Variants in SGMS1 observed in about 807,000 individuals in gnomAD.
The protein encoded by SGMS1 is phosphatidylcholine:ceramide cholinephosphotransferase 1.
Under a neutral mutation model 46.2 loss-of-function variants are expected in SGMS1, and 13 were observed. The ratio of observed to expected loss-of-function variants is 0.28; its 90% confidence interval spans 0.18 to 0.45. The LOEUF is 0.45. SGMS1 is among the 20% of genes least tolerant of loss of function. The probability of loss-of-function intolerance (pLI) is 1.00; values close to 1 mark genes in which losing one functional copy is unlikely to be tolerated. For missense variants in SGMS1, 324 were observed against 519.9 expected, an observed-to-expected ratio of 0.62 and a Z score of 3.66; for synonymous variants, 203 against 187.8, an observed-to-expected ratio of 1.08 and a Z score of -0.66.
At chr10:50,395,353 T>C (rs1589422215) in intron 6 of SGMS1, among the ~76,000 whole-genome samples, 1 of 152,184 alleles carries the variant, frequency 6.6e-6, no homozygotes, top group Non-Finnish European at 1.5e-5. Context: ...TAAACAATTC[T>C]ACTTGACTCT....
chr10:50,376,092 C>G (rs886257812), intron 6 of SGMS1, among the ~76,000 whole-genome samples: 1 of 151,980 alleles, frequency 6.6e-6, no homozygotes, highest in African/African-American at 2.4e-5. Flanking sequence ...GGGCAAAATC[C>G]AAGAAATGCA....
At chr10:50,465,274 C>T (rs1837315694) in intron 4 of SGMS1, among the ~76,000 whole-genome samples, 1 of 152,166 alleles carries the variant, frequency 6.6e-6, no homozygotes, top group Admixed American at 6.5e-5. Context: ...TATTGTCTCA[C>T]TCTTAAGTAT....
chr10:50,488,762 A>G (rs1837543550), intron 3 of SGMS1, among the ~76,000 whole-genome samples: 1 of 152,214 alleles, frequency 6.6e-6, no homozygotes, highest in Non-Finnish European at 1.5e-5. Context: ...TCTTTTTCCC[A>G]TAGTCAGTAA....
At chr10:50,551,076 T>C (rs1230292986) in intron 2 of SGMS1, among the ~76,000 whole-genome samples, 1 of 152,104 alleles carries the variant, frequency 6.6e-6, no homozygotes, top group South Asian at 2.1e-4. Flanking sequence ...GGGCTACATA[T>C]AGTGACTTCC....
At chr10:50,376,134 T>A (rs1589413795) in intron 6 of SGMS1, among the ~76,000 whole-genome samples, 1 of 152,214 alleles carries the variant, frequency 6.6e-6, no homozygotes, top group East Asian at 1.9e-4. Flanking sequence ...GTGAAAGCAC[T>A]TTCACATGGC....
chr10:50,328,883 C>T (rs1847570913), intron 7 of SGMS1, among the ~76,000 whole-genome samples: 1 of 152,086 alleles, frequency 6.6e-6, no homozygotes, highest in South Asian at 2.1e-4. Context: ...GCCAAGAACA[C>T]CAAAAAAGAA....
chr10:50,481,594 T>G (rs1294540559), intron 3 of SGMS1, among the ~76,000 whole-genome samples: 2 of 152,138 alleles, frequency 1.3e-5, no homozygotes, highest in Non-Finnish European at 2.9e-5. Context: ...CTCTGAAAAC[T>G]GAAAAAGTCA....
chr10:50,333,745 G>C (rs1175945440), intron 7 of SGMS1, among the ~76,000 whole-genome samples: 1 of 152,216 alleles, frequency 6.6e-6, no homozygotes, highest in Non-Finnish European at 1.5e-5. Context: ...TTGCCTGGGA[G>C]ATTTAGAACT....
At chr10:50,512,894 T>C (rs773019812) in intron 3 of SGMS1, among the ~76,000 whole-genome samples, 5 of 152,212 alleles carry the variant, frequency 3.3e-5, no homozygotes, top group Non-Finnish European at 5.9e-5. Flanking sequence ...GGAAAGGAGA[T>C]GGGGGACCCT....
intron 6 of SGMS1, among the ~76,000 whole-genome samples, chr10:50,376,599 T>C (rs1042073793): frequency 1.3e-5 from 2 of 152,168 alleles, no homozygotes; most frequent in African/African-American, 2.4e-5. Context: ...AACCCCACGA[T>C]AGGCCCCAGT....
intron 5 of SGMS1, among the ~76,000 whole-genome samples, chr10:50,445,425 C>G (rs1256756078): frequency 6.6e-6 from 1 of 152,100 alleles, no homozygotes; most frequent in Admixed American, 6.5e-5. Context: ...GTCAGGGACC[C>G]CAAATGGAGG....
At chr10:50,364,788 T>G (rs952674949) in intron 6 of SGMS1, among the ~76,000 whole-genome samples, 1 of 152,192 alleles carries the variant, frequency 6.6e-6, no homozygotes, top group African/African-American at 2.4e-5. Context: ...TCCTAGAGGA[T>G]GCAATATTTC....
chr10:50,408,195 G>A (rs1849044394), intron 6 of SGMS1, among the ~76,000 whole-genome samples: 1 of 152,148 alleles, frequency 6.6e-6, no homozygotes, highest in East Asian at 1.9e-4. Context: ...TGTAATCTGA[G>A]GAAGGCCTTC....
At chr10:50,581,286 C>T (rs535535009) in intron 2 of SGMS1, among the ~76,000 whole-genome samples, 10 of 152,278 alleles carry the variant, frequency 6.6e-5, no homozygotes, top group African/African-American at 1.9e-4. Context: ...CCACACCAGT[C>T]GGCAGTACAG....
At chr10:50,408,606 C>G (rs1378767243) in intron 6 of SGMS1, among the ~76,000 whole-genome samples, 1 of 151,962 alleles carries the variant, frequency 6.6e-6, no homozygotes, top group African/African-American at 2.4e-5. Context: ...TCGCTTGAAC[C>G]TGGGAGGCAG....
chr10:50,355,715 C>G (rs1336606139), intron 6 of SGMS1, among the ~76,000 whole-genome samples: 1 of 152,138 alleles, frequency 6.6e-6, no homozygotes, highest in Non-Finnish European at 1.5e-5. Flanking sequence ...AAGTGAGGAG[C>G]GCCTCTGCCT....
intron 6 of SGMS1, among the ~76,000 whole-genome samples, chr10:50,372,415 G>A (rs994006589): frequency 2.6e-5 from 4 of 152,142 alleles, no homozygotes; most frequent in East Asian, 3.9e-4. Context: ...CTAATAGGCC[G>A]GGCACACGGT....
At chr10:50,577,907 C>T (rs544562346) in intron 2 of SGMS1, among the ~76,000 whole-genome samples, 6 of 152,318 alleles carry the variant, frequency 3.9e-5, no homozygotes, top group Non-Finnish European at 5.9e-5. Flanking sequence ...CTTCTGTTAT[C>T]TAATCAGCGC....
At chr10:50,314,975 A>C (rs1328009441) in intron 8 of SGMS1, among the ~76,000 whole-genome samples, 1 of 152,188 alleles carries the variant, frequency 6.6e-6, no homozygotes, top group Non-Finnish European at 1.5e-5. Flanking sequence ...TTAAATAACT[A>C]TTCAAAACCT....
Sources: allele counts gnomAD v4.1 joint callset (sites outside exome capture counted in the v4.1 genomes callset), GRCh38; gene constraint gnomAD v4.1.1; transcripts MANE v1.5; gene names NCBI Gene and HGNC (gene_info 2026-07-23, HGNC 2026-07-21).